Variants in ARHGAP10 observed in about 807,000 individuals in gnomAD.
The protein encoded by ARHGAP10 is Rho GTPase activating protein 10, also known as rho GTPase-activating protein 10.
A neutral mutation model predicts 108.6 loss-of-function variants in ARHGAP10; 87 were observed. The ratio of observed to expected loss-of-function variants is 0.80; its 90% CI spans 0.67 to 0.96. ARHGAP10 has a LOEUF of 0.96. Ranked by LOEUF, ARHGAP10 falls within the 40% of genes least tolerant of loss-of-function variation. ARHGAP10 has a pLI of 0.00. For synonymous variants in ARHGAP10, 347 were observed against 341.1 expected (o/e 1.02, Z -0.19); for missense variants, 939 against 954.5 (o/e 0.98, Z 0.21).
chr4:147,793,902 T>G (rs1305071154), intron 1 of ARHGAP10, among the ~76,000 whole-genome samples: 1 of 152,244 alleles, frequency 6.6e-6, no homozygotes, highest in East Asian at 1.9e-4. Flanking sequence ...ACCTGCAAAG[T>G]AGGTTCAGCA....
intron 1 of ARHGAP10, among the ~76,000 whole-genome samples, chr4:147,741,489 A>G (rs1242557297): frequency 2.0e-5 from 3 of 152,288 alleles, no homozygotes; most frequent in South Asian, 2.1e-4. Context: ...TATAAACACA[A>G]TGTACATGGA....
chr4:148,064,966 A>G (rs1729799690), intron 22 of ARHGAP10, among the ~76,000 whole-genome samples: 1 of 152,086 alleles, frequency 6.6e-6, no homozygotes, highest in Admixed American at 6.5e-5. Context: ...TGTGCTTTAC[A>G]TTTTTGCTGA....
At chr4:147,750,230 G>T (rs1729086993) in intron 1 of ARHGAP10, among the ~76,000 whole-genome samples, 1 of 152,176 alleles carries the variant, frequency 6.6e-6, no homozygotes, top group Non-Finnish European at 1.5e-5. Flanking sequence ...TGGAGAGGGA[G>T]TTGTACCATG....
chr4:147,953,523 GT>G (rs1426288792), intron 15 of ARHGAP10, among the ~76,000 whole-genome samples: 1 of 151,888 alleles, frequency 6.6e-6, no homozygotes, highest in Non-Finnish European at 1.5e-5. Context: ...CATCTGAGTT[GT>G]TGAATTTATG....
chr4:147,868,418 G>A (rs1388637796), intron 7 of ARHGAP10, among the ~76,000 whole-genome samples: 1 of 151,558 alleles, frequency 6.6e-6, no homozygotes, highest in Non-Finnish European at 1.5e-5. Flanking sequence ...TTTTCTTTTT[G>A]GTAGAGATGG....
chr4:147,998,899 A>G (rs749679886), intron 18 of ARHGAP10, among the ~76,000 whole-genome samples: 6 of 152,224 alleles, frequency 3.9e-5, no homozygotes, highest in African/African-American at 9.6e-5. Context: ...ATGACTTACT[A>G]TTTCTATTAA....
intron 1 of ARHGAP10, among the ~76,000 whole-genome samples, chr4:147,760,924 G>A (rs1198194866): frequency 6.6e-6 from 1 of 152,162 alleles, no homozygotes; most frequent in Admixed American, 6.5e-5. Flanking sequence ...TGGAACAAAA[G>A]GCTGAGTGTG....
chr4:147,994,969 G>C (rs1740416620), intron 18 of ARHGAP10, among the ~76,000 whole-genome samples: 1 of 152,216 alleles, frequency 6.6e-6, no homozygotes, highest in Non-Finnish European at 1.5e-5. Context: ...CTCTGAGTGA[G>C]AATTGTTTCT....
chr4:147,957,039 C>T (rs2060442957), intron 16 of ARHGAP10, among the ~76,000 whole-genome samples: 3 of 152,056 alleles, frequency 2.0e-5, no homozygotes, highest in Admixed American at 6.6e-5. Flanking sequence ...ATTGCAGAAA[C>T]GCAGACAAGA....
intron 19 of ARHGAP10, among the ~76,000 whole-genome samples, chr4:148,044,973 A>C (rs1431849901): frequency 6.6e-6 from 1 of 152,174 alleles, no homozygotes; most frequent in African/African-American, 2.4e-5. Context: ...GAGCAATCAT[A>C]GTCTTCTAGA....
At chr4:147,733,052 C>G (rs994968312) in intron 1 of ARHGAP10, among the ~76,000 whole-genome samples, 1 of 152,116 alleles carries the variant, frequency 6.6e-6, no homozygotes, top group African/African-American at 2.4e-5. Flanking sequence ...CCGCACATTC[C>G]TCCCCTGCCG....
At chr4:147,969,157 A>G (rs748401984) in intron 18 of ARHGAP10, among the ~76,000 whole-genome samples, 14 of 152,228 alleles carry the variant, frequency 9.2e-5, no homozygotes, top group Non-Finnish European at 1.5e-4. Context: ...AGGCATAGCA[A>G]GAGTATTTCT....
chr4:148,062,511 A>G (rs559003408), intron 20 of ARHGAP10, among the ~76,000 whole-genome samples: 12 of 152,338 alleles, frequency 7.9e-5, no homozygotes, highest in African/African-American at 2.6e-4. Context: ...ACACGCATCA[A>G]TTATTTGAAC....
rs1312116665 is a variant in ARHGAP10, at chr4:147,816,814, G to GA, written c.155-5912dup. On this transcript the variant is annotated intron_variant, in intron 1 of 22. Coordinates refer to ENST00000336498, the MANE Select transcript of ARHGAP10 (RefSeq NM_024605.4). ...AATATGAAGCTAGTCTACAATCCTA[G>GA]AGGAATTTCATTTCACTTCCAAGTT... Among the ~76,000 whole-genome samples, 7 of 152,172 alleles carry GA rather than the reference G, an allele frequency of 4.6e-5. No homozygotes were observed. In the East Asian group the frequency reaches 1.3e-3, roughly 29 times the overall value.
At chr4:147,862,710 G>C (rs1734378188) in intron 5 of ARHGAP10, 1 of 152,230 alleles carries the variant, frequency 6.6e-6, no homozygotes, top group Non-Finnish European at 1.5e-5. Flanking sequence ...AATTACAGTA[G>C]CAAGAACAAC....
At chr4:147,855,081 AC>A (rs1560792195) in intron 4 of ARHGAP10, among the ~76,000 whole-genome samples, 6 of 152,222 alleles carry the variant, frequency 3.9e-5, no homozygotes, top group Non-Finnish European at 1.5e-5. Context: ...CCTGGTAAGT[AC>A]TAGTCTGCAG....
intron 18 of ARHGAP10, among the ~76,000 whole-genome samples, chr4:147,969,324 CTTTTTT>C (rs61078731): frequency 3.2e-5 from 3 of 93,866 alleles, no homozygotes; most frequent in Non-Finnish European, 2.1e-5. Context: ...TTTGTTTTGC[CTTTTTT>C]TTTTTTTTTT....
intron 18 of ARHGAP10, among the ~76,000 whole-genome samples, chr4:147,973,417 G>A (rs555204282): frequency 1.4e-4 from 22 of 152,134 alleles, no homozygotes; most frequent in Non-Finnish European, 2.8e-4. Context: ...TACATAGTTG[G>A]TGTATGTATT....
chr4:147,864,712 T>A, intron 5 of ARHGAP10, 134 bp from the exon 6 acceptor site: 1 of 653,038 alleles, frequency 1.5e-6, no homozygotes, highest in Non-Finnish European at 2.6e-6. Context: ...GTCGTACCTG[T>A]GTTGCAATAC....
Sources: allele counts gnomAD v4.1 joint callset (sites outside exome capture counted in the v4.1 genomes callset), GRCh38; gene constraint gnomAD v4.1.1; transcripts MANE v1.5; gene names NCBI Gene and HGNC (gene_info 2026-07-23, HGNC 2026-07-21).